Variants in NPHP1 observed in about 807,000 individuals in gnomAD.
The protein encoded by NPHP1 is nephrocystin-1.
Under a neutral mutation model 90.4 loss-of-function variants are expected in NPHP1, and 70 were observed. The observed-to-expected ratio is 0.77, with a 90% CI of 0.64 to 0.95. The LOEUF is 0.95. Among genes scored for constraint, NPHP1 ranks in the 40% least tolerant of loss-of-function variants. The pLI, the probability that NPHP1 is intolerant of heterozygous loss-of-function variation, is 0.00. For missense variants in NPHP1, 764 were observed against 795.9 expected (o/e 0.96, Z 0.48); for synonymous variants, 256 against 271.7 (o/e 0.94, Z 0.57).
At position 110,170,108 on chromosome 2, in the gene NPHP1, A is replaced by T. The variant is rs1258405006; in HGVS notation, c.330-110T>A. 2.9e-6 allele frequency: 4 copies of T among 1,363,910 alleles called. No individual in the cohort carries two copies. In the South Asian group the frequency reaches 3.5e-5, roughly 12 times the overall value. The allele number at this position is 1,363,910 out of a possible 1,614,324, so 84.5% of individuals were successfully genotyped here. A position where few individuals can be genotyped will look rare whatever the true frequency, so the allele number is the denominator to read the frequency against. On this transcript the variant is annotated intron_variant, in intron 4 of 19. Transcript: ENST00000445609. ...AATATCCCATATTTGGAGCTGGCAA[A>T]TAAAAGAAATAAGGGAAAATACAAA...
At chr2:110,184,755 A>G in intron 2 of NPHP1, 1 of 714,132 alleles carries the variant, frequency 1.4e-6, no homozygotes, top group South Asian at 1.4e-5. Context: ...CTATCCATAA[A>G]CCCCCAGAAG....
Position 110,160,161 on chromosome 2 carries a change from C to T in NPHP1, c.1049G>A (p.Arg350Lys), listed in dbSNP as rs754768821. The T allele has an allele frequency of 4.3e-6, 7 of 1,612,960 alleles. No individual in the cohort carries two copies. The highest frequency in any genetic ancestry group is 2.5e-6 in the Non-Finnish European group (3 of 1,179,102). The change falls in exon 11 of 20, where the codon AGA (arginine) becomes AAA (lysine). Residue 350 changes from arginine to lysine, a missense_variant. By Grantham distance (26) the Arg-to-Lys change is conservative. Transcript: ENST00000445609. ...LPGMSIQVLS[R>K]HVRLCLFDGN... ...ATCAAATAGACAGAGGCGTACATGTCTGCTGAGAACCTGTATGCTCATTCC... is the reference window on the plus strand; with the variant it reads ...ATCAAATAGACAGAGGCGTACATGTTTGCTGAGAACCTGTATGCTCATTCC...
chr2:110,140,716 T>A (rs1180795207), intron 16 of NPHP1, among the ~76,000 whole-genome samples: 1 of 152,126 alleles, frequency 6.6e-6, no homozygotes, highest in Non-Finnish European at 1.5e-5. Context: ...ACTGTGCTGC[T>A]TTCTTTCTAA....
At chr2:110,150,128 G>T in intron 12 of NPHP1, 54 bp downstream of exon 12, 1 of 1,246,112 alleles carries the variant, frequency 8.0e-7, no homozygotes, top group Non-Finnish European at 1.2e-6. Context: ...ATAGAAATAT[G>T]AATATGTTCT....
At position 110,163,191 on chromosome 2, in the gene NPHP1, T is replaced by C. The variant is rs571232447; in HGVS notation, c.772-56A>G. On this transcript the variant is annotated intron_variant, in intron 8 of 19. Transcript: ENST00000445609. ...TTTCAGTCATGTTTCTGCATCTCTA[T>C]AATACTTTATCACTAGAGTAACTAT... 12 of 1,222,772 alleles carry C rather than the reference T, an allele frequency of 9.8e-6. No individual in the cohort carries two copies. In the East Asian group the frequency reaches 1.6e-4, roughly 17 times the overall value. The allele number at this position is 1,222,772 out of a possible 1,614,324, so 75.7% of individuals were successfully genotyped here. A position where few individuals can be genotyped will look rare whatever the true frequency, so the allele number is the denominator to read the frequency against.
intron 19 of NPHP1, chr2:110,124,327 G>A: frequency 3.7e-6 from 2 of 542,980 alleles, no homozygotes; most frequent in Non-Finnish European, 6.6e-6. Context: ...AAGCTCCATG[G>A]AGGGTGTCTC....
chr2:110,178,589 CA>C, intron 3 of NPHP1, 42 bp from the exon 4 acceptor site: 1 of 1,574,030 alleles, frequency 6.4e-7, no homozygotes, highest in Non-Finnish European at 8.6e-7. Flanking sequence ...AAATTAATTT[CA>C]GTTTCCTAAT....
Position 110,143,554 on chromosome 2 carries a change from C to T in NPHP1, c.1517G>A (p.Arg506Lys). ...AGCAGGTACCCACCTTAGTACATTT[C>T]TTGATCTTCTGTTCAAGGATCTCAG... ...VKLRSLNRRS[R>K]NVLSLLPETL... Residue 506 changes from arginine to lysine, a missense_variant, in exon 16 of 20, where the codon AGA becomes AAA. By Grantham distance (26) the Arg-to-Lys change is conservative (BLOSUM62 2). Transcript: ENST00000445609. The T allele has an allele frequency of 6.2e-7, 1 of 1,611,858 alleles. No homozygotes were observed. Among genetic ancestry groups the T allele is most frequent in the South Asian group, 1.1e-5 (1 of 91,034 alleles).
At chr2:110,182,348 C>G (rs1267092953) in intron 2 of NPHP1, among the ~76,000 whole-genome samples, 1 of 148,256 alleles carries the variant, frequency 6.7e-6, no homozygotes, top group Admixed American at 6.7e-5. Flanking sequence ...TCTTCAAGGT[C>G]AAAATGAAAA....
At chr2:110,163,830 T>C (rs1482437348) in intron 8 of NPHP1, 1 of 153,862 alleles carries the variant, frequency 6.5e-6, no homozygotes, top group Non-Finnish European at 1.4e-5. Context: ...CCAGCTAATT[T>C]TTCTATTTTT....
rs1165147126 is a variant in NPHP1 at position 110,129,018 on chromosome 2, T to C, written c.1716+168A>G. 5 of 646,890 alleles carry C rather than the reference T, an allele frequency of 7.7e-6. 1 individual carries two copies. The Admixed American group carries it at 1.3e-4, about 17-fold the overall frequency. 40.1% of individuals were successfully genotyped at this position (646,890 alleles called of 1,614,324 possible). A position where few individuals can be genotyped will look rare whatever the true frequency, so the allele number is the denominator to read the frequency against. On this transcript the variant is annotated intron_variant, in intron 18 of 19. Transcript: ENST00000445609. ...GGTCAGGGAAGGCAGCCCTTGGGAATTTATGCTAAGATGGGAAAGATGAGG... is the reference window on the plus strand; with the variant it reads ...GGTCAGGGAAGGCAGCCCTTGGGAACTTATGCTAAGATGGGAAAGATGAGG...
intron 12 of NPHP1, among the ~76,000 whole-genome samples, 161 bp from the exon 13 acceptor site, chr2:110,148,187 C>T (rs1217260500): frequency 6.6e-6 from 1 of 152,050 alleles, no homozygotes; most frequent in Non-Finnish European, 1.5e-5. Context: ...AGGGCAGATC[C>T]CTCATGGTTT....
chr2:110,128,209 T>C (rs1273124003), intron 18 of NPHP1: 2 of 152,120 alleles, frequency 1.3e-5, no homozygotes, highest in Admixed American at 6.5e-5. Flanking sequence ...GTCAGGTGCA[T>C]ATGGCCTAGT....
chr2:110,194,534 A>C, intron 2 of NPHP1, among the ~76,000 whole-genome samples: 1 of 152,076 alleles, frequency 6.6e-6, no homozygotes, highest in Non-Finnish European at 1.5e-5. Flanking sequence ...CAACCAAAAA[A>C]AGTCCAGGAC....
chr2:110,156,267 T>C (rs148812644), intron 11 of NPHP1, among the ~76,000 whole-genome samples: 2 of 152,048 alleles, frequency 1.3e-5, no homozygotes, highest in African/African-American at 4.8e-5. Flanking sequence ...GTTCTCATGA[T>C]GGTGAATGAT....
rs552021379 is a variant in NPHP1 at position 110,168,853 on chromosome 2, T to A, written c.523-300A>T. On this transcript the variant is annotated intron_variant, in intron 5 of 19. Coordinates refer to ENST00000445609, the MANE Select transcript of NPHP1 (RefSeq NM_001128178.3). ...CACAATCATTTTTAAGGCCCCATAC[T>A]TATTCCAAAAATTCAATTACTGCGT... Among the ~76,000 whole-genome samples the A allele has an allele frequency of 8.5e-5, 13 of 152,276 alleles. No individual in the cohort carries two copies. The South Asian group carries it at 2.7e-3, about 32-fold the overall frequency.
Position 110,178,489 on chromosome 2 carries a change from A to G in NPHP1, c.263T>C (p.Leu88Pro), listed in dbSNP as rs749844095. 2.5e-6 allele frequency: 4 copies of G among 1,613,754 alleles called. No individual in the cohort carries two copies. The African/African-American group carries it at 5.3e-5, about 22-fold the overall frequency. Residue 88 changes from leucine (L) to proline (P), a missense_variant, in exon 4 of 20, where the codon CTT becomes CCT. Coordinates refer to ENST00000445609, the MANE Select transcript of NPHP1 (RefSeq NM_001128178.3). ...YNQRKEEEHT[L>P]LDKLTQQLQG... ...CAGTTGTTGGGTAAGCTTGTCCAAA[A>G]GAGTATGCTCCTCTTCTTTTCTCTG...
chr2:110,160,064 GA>G, intron 11 of NPHP1, 62 bp downstream of exon 11: 1 of 1,549,936 alleles, frequency 6.5e-7, no homozygotes, highest in East Asian at 2.2e-5. Flanking sequence ...GAATGGAAAA[GA>G]ATCTAAGGGA....
intron 19 of NPHP1, 29 bp from the exon 20 acceptor site, chr2:110,124,092 A>G: frequency 2.5e-6 from 4 of 1,612,538 alleles, no homozygotes; most frequent in Non-Finnish European, 3.4e-6. Context: ...CACAAATAAC[A>G]TTGTTATTTT....
Sources: gnomAD v4.1 joint callset for allele counts (sites outside exome capture counted in the v4.1 genomes callset) on GRCh38, gnomAD v4.1.1 for gene constraint, MANE v1.5 for transcripts, NCBI Gene and HGNC (gene_info 2026-07-23, HGNC 2026-07-21) for gene names.